Variants in AFAP1 observed in about 807,000 individuals in gnomAD.
The protein encoded by AFAP1 is actin filament-associated protein 1.
A neutral mutation model predicts 93.9 loss-of-function variants in AFAP1; 75 were observed. The observed-to-expected ratio is 0.80, with a 90% CI of 0.66 to 0.97. AFAP1 has a LOEUF of 0.97. AFAP1 is among the 50% of genes least tolerant of loss of function. The pLI is 0.00. For missense variants in AFAP1, 1,201 were observed against 1,050.8 expected, an observed-to-expected ratio of 1.14 and a Z score of -1.98; for synonymous variants, 517 against 430.7, an observed-to-expected ratio of 1.20 and a Z score of -2.48.
At chr4:7,805,850 A>G (rs1202185948) in intron 9 of AFAP1, among the ~76,000 whole-genome samples, 2 of 152,214 alleles carry the variant, frequency 1.3e-5, no homozygotes, top group Non-Finnish European at 2.9e-5. Context: ...CAAAGGAGGC[A>G]CTTTTGGTTT....
intron 10 of AFAP1, 26 bp from the exon 11 acceptor site, chr4:7,793,852 C>T (rs1718131007): frequency 8.1e-6 from 12 of 1,486,408 alleles, no homozygotes; most frequent in Non-Finnish European, 1.1e-5. Flanking sequence ...AAAAGGTAGG[C>T]TGTATTTAAC....
chr4:7,901,987 C>T lies in AFAP1; in HGVS notation c.-2-29907G>A, dbSNP rs940838336. ...ACACACAACTACCATTAAAGAAATG[C>T]TTAATTTGCTTATATAATTTTTTAA... On this transcript the variant is annotated intron_variant, in intron 1 of 17. Transcript: ENST00000420658. Among the ~76,000 whole-genome samples, 8 of 152,286 alleles carry T rather than the reference C, an allele frequency of 5.3e-5. No individual in the cohort carries two copies. The East Asian group carries it at 1.3e-3, about 26-fold the overall frequency.
chr4:7,768,989 C>T lies in AFAP1; in HGVS notation c.2273G>A (p.Arg758Gln), dbSNP rs759126389. 3.0e-5 allele frequency: 49 copies of T among 1,612,694 alleles called. No homozygotes were observed. Among genetic ancestry groups the T allele is most frequent in the Admixed American group, 1.0e-4 (6 of 59,976 alleles). The change falls in exon 17 of 18, where the codon CGG becomes CAG. Residue 758 changes from arginine (R) to glutamine (Q), a missense_variant. Coordinates refer to ENST00000420658, the MANE Select transcript of AFAP1 (RefSeq NM_001134647.2). ...GGAGATGGGCGAGTTTTCCAGGGTC[C>T]GGTGCCGGAACACTGGAGACTTAAC... The part of the protein sequence containing the change: ...SSPQSPVFRH[R>Q]TLENSPISSC...
At chr4:7,866,943 G>A (rs7376902) in intron 3 of AFAP1, among the ~76,000 whole-genome samples, 47,165 of 150,696 alleles carry the variant, frequency 0.31, 7,671 homozygotes, top group South Asian at 0.44. Context: ...GGAGGCTGAG[G>A]AGAGAGGATT....
intron 7 of AFAP1, among the ~76,000 whole-genome samples, chr4:7,817,452 A>C (rs1340707070): frequency 6.6e-6 from 1 of 152,176 alleles, no homozygotes; most frequent in African/African-American, 2.4e-5. Context: ...AAATACAAAA[A>C]TTAGCCAGGC....
intron 3 of AFAP1, among the ~76,000 whole-genome samples, chr4:7,860,061 C>T (rs972697750): frequency 6.6e-6 from 1 of 151,894 alleles, no homozygotes; most frequent in African/African-American, 2.4e-5. Context: ...GAGGACTGCT[C>T]GAGCCCGGGA....
intron 1 of AFAP1, among the ~76,000 whole-genome samples, chr4:7,934,032 G>C (rs58012905): frequency 8.5e-5 from 13 of 152,092 alleles, no homozygotes. Context: ...CATCTGACAA[G>C]CGTTTCCTGA....
intron 13 of AFAP1, among the ~76,000 whole-genome samples, chr4:7,780,236 CACTG>C (rs1716619787): frequency 6.6e-6 from 1 of 152,216 alleles, no homozygotes; most frequent in Non-Finnish European, 1.5e-5. Context: ...CACTCAGACT[CACTG>C]AATGGGAATC....
intron 9 of AFAP1, among the ~76,000 whole-genome samples, chr4:7,804,134 A>G (rs1719293451): frequency 6.6e-6 from 1 of 152,056 alleles, no homozygotes; most frequent in South Asian, 2.1e-4. Flanking sequence ...TGGCTGATGA[A>G]ATCAGTGCTG....
At chr4:7,904,451 G>A (rs6824410) in intron 1 of AFAP1, among the ~76,000 whole-genome samples, 65,366 of 151,922 alleles carry the variant, frequency 0.43, 14,897 homozygotes, top group African/African-American at 0.59. Flanking sequence ...ACCCATTAGC[G>A]TTCTTTTTCC....
At chr4:7,768,620 G>A (rs541141139) in intron 17 of AFAP1, among the ~76,000 whole-genome samples, 7 of 152,258 alleles carry the variant, frequency 4.6e-5, no homozygotes, top group South Asian at 2.1e-4. Flanking sequence ...GGGCTAAACG[G>A]TCAGCACCTT....
intron 10 of AFAP1, among the ~76,000 whole-genome samples, chr4:7,794,084 A>G (rs1358353026): frequency 6.6e-6 from 1 of 152,200 alleles, no homozygotes; most frequent in Non-Finnish European, 1.5e-5. Context: ...ACTGTGGGGA[A>G]AGGCACTAGG....
chr4:7,849,791 T>C (rs762325131), intron 4 of AFAP1, among the ~76,000 whole-genome samples: 1 of 152,196 alleles, frequency 6.6e-6, no homozygotes, highest in Non-Finnish European at 1.5e-5. Context: ...TTTGGCAATA[T>C]CATTCAACAC....
At chr4:7,932,087 T>A (rs529847839) in intron 1 of AFAP1, among the ~76,000 whole-genome samples, 1 of 152,112 alleles carries the variant, frequency 6.6e-6, no homozygotes, top group South Asian at 2.1e-4. Context: ...CTCGATCTCC[T>A]GACCTCGTGA....
At chr4:7,790,972 G>C (rs1577211648) in intron 11 of AFAP1, among the ~76,000 whole-genome samples, 2 of 152,284 alleles carry the variant, frequency 1.3e-5, no homozygotes, top group East Asian at 3.9e-4. Flanking sequence ...CCTAAAATGG[G>C]CCAAGTTATC....
chr4:7,829,217 C>A (rs570234887), intron 6 of AFAP1, among the ~76,000 whole-genome samples: 1 of 152,188 alleles, frequency 6.6e-6, no homozygotes, highest in African/African-American at 2.4e-5. Context: ...TTCTTCATAG[C>A]GGCATGAGAA....
intron 16 of AFAP1, 151 bp downstream of exon 16, chr4:7,772,669 G>A: frequency 1.5e-6 from 1 of 679,132 alleles, no homozygotes; most frequent in Non-Finnish European, 2.4e-6. Context: ...GAAAGTGTCT[G>A]ATGCTAACAC....
intron 1 of AFAP1, among the ~76,000 whole-genome samples, chr4:7,880,114 T>C (rs1007155253): frequency 1.3e-5 from 2 of 151,920 alleles, no homozygotes; most frequent in Non-Finnish European, 2.9e-5. Context: ...TTACAGAAAA[T>C]CTCTCTGGCT....
At chr4:7,930,049 G>C (rs984795111) in intron 1 of AFAP1, among the ~76,000 whole-genome samples, 2 of 152,188 alleles carry the variant, frequency 1.3e-5, no homozygotes, top group Non-Finnish European at 2.9e-5. Context: ...GTTACTCAAT[G>C]CATCAATCTC....
Sources: allele counts gnomAD v4.1 joint callset (sites outside exome capture counted in the v4.1 genomes callset), GRCh38; gene constraint gnomAD v4.1.1; transcripts MANE v1.5; gene names NCBI Gene and HGNC (gene_info 2026-07-23, HGNC 2026-07-21).